KCNIP4: variants seen among roughly 807,000 people sequenced by gnomAD.
KCNIP4 encodes the protein Kv channel-interacting protein 4.
Under a neutral mutation model 34.0 loss-of-function variants are expected in KCNIP4, and 12 were observed. That is an observed-to-expected ratio of 0.35 (90% CI 0.23 to 0.57). KCNIP4 has a LOEUF of 0.57. Among genes scored for constraint, KCNIP4 ranks in the 20% least tolerant of loss-of-function variants. The pLI, the probability that KCNIP4 is intolerant of heterozygous loss-of-function variation, is 0.83. For synonymous variants in KCNIP4, 124 were observed against 102.2 expected, an observed-to-expected ratio of 1.21 and a Z score of -1.29; for missense variants, 238 against 311.7, an observed-to-expected ratio of 0.76 and a Z score of 1.78.
chr4:21,315,835 G>C (rs1201685437), intron 1 of KCNIP4, among the ~76,000 whole-genome samples: 1 of 152,076 alleles, frequency 6.6e-6, no homozygotes, highest in Non-Finnish European at 1.5e-5. Context: ...TAATTCCCCA[G>C]CTTCGATTTT....
intron 1 of KCNIP4, among the ~76,000 whole-genome samples, chr4:21,796,562 G>A (rs1720636311): frequency 1.3e-5 from 2 of 152,122 alleles, no homozygotes; most frequent in African/African-American, 4.8e-5. Context: ...CTTGAGAAAC[G>A]TACCCTTAAA....
At chr4:20,800,559 GAGAAATTC>G (rs1388663227) in intron 3 of KCNIP4, among the ~76,000 whole-genome samples, 1 of 152,154 alleles carries the variant, frequency 6.6e-6, no homozygotes. Flanking sequence ...TTATCTGAAT[GAGAAATTC>G]AACAGAGAGA....
chr4:21,061,422 CA>C (rs1379245779), intron 1 of KCNIP4, among the ~76,000 whole-genome samples: 2 of 151,890 alleles, frequency 1.3e-5, no homozygotes, highest in African/African-American at 2.4e-5. Context: ...AATAATGATA[CA>C]AAAAACACTA....
At chr4:21,309,489 A>G (rs1328579555) in intron 1 of KCNIP4, among the ~76,000 whole-genome samples, 1 of 152,212 alleles carries the variant, frequency 6.6e-6, no homozygotes, top group Non-Finnish European at 1.5e-5. Context: ...TTAAAAATTA[A>G]AAAAATATAT....
At chr4:21,312,341 C>T (rs1167034459) in intron 1 of KCNIP4, among the ~76,000 whole-genome samples, 1 of 152,160 alleles carries the variant, frequency 6.6e-6, no homozygotes. Flanking sequence ...ATCCTCAGAC[C>T]TTTCCCAGAG....
intron 1 of KCNIP4, among the ~76,000 whole-genome samples, chr4:21,758,660 T>C (rs1253551832): frequency 2.0e-5 from 3 of 152,170 alleles, no homozygotes; most frequent in African/African-American, 7.2e-5. Context: ...TAAGACTTAT[T>C]GGGTGGGTGA....
intron 1 of KCNIP4, among the ~76,000 whole-genome samples, chr4:21,854,917 C>G (rs1724655128): frequency 6.6e-6 from 1 of 152,136 alleles, no homozygotes; most frequent in Admixed American, 6.5e-5. Context: ...GTGTTTTAAT[C>G]AATATTGGAT....
intron 1 of KCNIP4, among the ~76,000 whole-genome samples, chr4:21,756,738 T>C (rs1717554623): frequency 6.6e-6 from 1 of 152,062 alleles, no homozygotes; most frequent in African/African-American, 2.4e-5. Context: ...GAAAAATCAA[T>C]GAACACTCCT....
chr4:21,783,104 A>T (rs946143621), intron 1 of KCNIP4, among the ~76,000 whole-genome samples: 2 of 152,294 alleles, frequency 1.3e-5, no homozygotes, highest in African/African-American at 4.8e-5. Flanking sequence ...TGGTAAAAGA[A>T]ATCTGCACAT....
chr4:20,969,981 C>T (rs1328906136), intron 1 of KCNIP4, among the ~76,000 whole-genome samples: 1 of 146,394 alleles, frequency 6.8e-6, no homozygotes, highest in Non-Finnish European at 1.5e-5. Context: ...TTGCTTTGTT[C>T]CCCAGGCTGG....
chr4:21,860,844 A>C (rs1228508231), intron 1 of KCNIP4, among the ~76,000 whole-genome samples: 1 of 152,194 alleles, frequency 6.6e-6, no homozygotes, highest in African/African-American at 2.4e-5. Flanking sequence ...ACAAATATTC[A>C]TTCTTTTATT....
chr4:21,450,842 C>A (rs755903613), intron 1 of KCNIP4, among the ~76,000 whole-genome samples: 34 of 152,054 alleles, frequency 2.2e-4, no homozygotes, highest in Non-Finnish European at 4.4e-4. Context: ...AATTTCCTTA[C>A]AAATGTAAGT....
intron 1 of KCNIP4, among the ~76,000 whole-genome samples, chr4:21,665,572 A>G (rs541259972): frequency 6.6e-6 from 1 of 150,896 alleles, no homozygotes; most frequent in Non-Finnish European, 1.5e-5. Flanking sequence ...ACAAATGTAA[A>G]AACTAAAATA....
chr4:21,734,815 C>A (rs1168037320), intron 1 of KCNIP4, among the ~76,000 whole-genome samples: 1 of 152,040 alleles, frequency 6.6e-6, no homozygotes, highest in Non-Finnish European at 1.5e-5. Flanking sequence ...TTGGCATTCA[C>A]CCAGAGGAGC....
At chr4:21,211,314 C>A (rs942034471) in intron 1 of KCNIP4, among the ~76,000 whole-genome samples, 2 of 152,114 alleles carry the variant, frequency 1.3e-5, no homozygotes, top group Non-Finnish European at 2.9e-5. Context: ...TCCCAACCCC[C>A]GGGCCACAGA....
intron 1 of KCNIP4, among the ~76,000 whole-genome samples, chr4:21,768,443 G>A (rs1355195595): frequency 6.6e-6 from 1 of 152,030 alleles, no homozygotes; most frequent in Non-Finnish European, 1.5e-5. Context: ...CTTCACCTTG[G>A]TGTTGTGGTT....
chr4:21,771,265 A>G (rs958185773), intron 1 of KCNIP4, among the ~76,000 whole-genome samples: 3 of 151,952 alleles, frequency 2.0e-5, no homozygotes, highest in African/African-American at 7.3e-5. Flanking sequence ...GTGTGGTGTT[A>G]TTTCTGAGAT....
chr4:20,919,263 C>G (rs1315414588), intron 1 of KCNIP4, among the ~76,000 whole-genome samples: 1 of 152,064 alleles, frequency 6.6e-6, no homozygotes, highest in African/African-American at 2.4e-5. Flanking sequence ...CATTTGCATT[C>G]CAGGCTCCTA....
intron 1 of KCNIP4, among the ~76,000 whole-genome samples, chr4:21,509,424 C>G (rs192032703): frequency 6.6e-6 from 1 of 152,206 alleles, no homozygotes; most frequent in Admixed American, 6.5e-5. Context: ...TAATTTATAC[C>G]ATTTCTACTT....
Sources: allele counts gnomAD v4.1 joint callset (sites outside exome capture counted in the v4.1 genomes callset), GRCh38; gene constraint gnomAD v4.1.1; transcripts MANE v1.5; gene names NCBI Gene and HGNC (gene_info 2026-07-23, HGNC 2026-07-21).